RAPGEF4: variants seen among roughly 807,000 people sequenced by gnomAD.
RAPGEF4 encodes RAP guanine-nucleotide-exchange factor (GEF) 4.
Under a neutral mutation model 147.9 loss-of-function variants are expected in RAPGEF4, and 66 were observed. The ratio of observed to expected loss-of-function variants is 0.45; its 90% CI spans 0.37 to 0.55. The LOEUF is 0.55. Among genes scored for constraint, RAPGEF4 ranks in the 20% least tolerant of loss-of-function variants. The pLI is 0.00. For missense variants in RAPGEF4, 1,071 were observed against 1,257.3 expected (o/e 0.85, Z 2.24); for synonymous variants, 419 against 442.7 (o/e 0.95, Z 0.67).
chr2:172,866,260 G>A (rs1200425456), intron 4 of RAPGEF4, among the ~76,000 whole-genome samples: 2 of 151,984 alleles, frequency 1.3e-5, no homozygotes, highest in African/African-American at 4.8e-5. Context: ...TCAATCCACG[G>A]TGATTAAAAT....
At chr2:172,829,446 T>G (rs1690044438) in intron 4 of RAPGEF4, among the ~76,000 whole-genome samples, 1 of 152,218 alleles carries the variant, frequency 6.6e-6, no homozygotes, top group Admixed American at 6.5e-5. Context: ...ATCCCCGGTA[T>G]GAACTGGCTG....
intron 4 of RAPGEF4, among the ~76,000 whole-genome samples, chr2:172,819,378 G>A (rs1688820196): frequency 6.6e-6 from 1 of 150,582 alleles, no homozygotes; most frequent in Non-Finnish European, 1.5e-5. Context: ...GAGATGGGGA[G>A]AGATAAATAT....
At chr2:173,033,763 C>A (rs1435242582) in intron 26 of RAPGEF4, 151 bp from the exon 27 acceptor site, 3 of 716,922 alleles carry the variant, frequency 4.2e-6, no homozygotes, top group African/African-American at 3.7e-5. Context: ...AGATTATTCT[C>A]AAATGGCAAG....
At chr2:173,051,407 A>G (rs542051704) in intron 30 of RAPGEF4, among the ~76,000 whole-genome samples, 4 of 152,216 alleles carry the variant, frequency 2.6e-5, no homozygotes, top group East Asian at 3.9e-4. Flanking sequence ...ACAACGTGCA[A>G]TTCAAAGGAG....
At chr2:173,028,383 C>T (rs750791121) in intron 25 of RAPGEF4, among the ~76,000 whole-genome samples, 14 of 152,232 alleles carry the variant, frequency 9.2e-5, no homozygotes, top group Non-Finnish European at 2.1e-4. Flanking sequence ...TGTGCTTTCC[C>T]GTTAGAAGAA....
intron 1 of RAPGEF4, among the ~76,000 whole-genome samples, chr2:172,744,720 T>C (rs904796672): frequency 1.1e-4 from 16 of 152,202 alleles, no homozygotes; most frequent in Non-Finnish European, 4.4e-5. Flanking sequence ...CAGGACAAAA[T>C]TGAATAGAAG....
intron 29 of RAPGEF4, among the ~76,000 whole-genome samples, chr2:173,044,325 C>G (rs1685161815): frequency 6.6e-6 from 1 of 152,130 alleles, no homozygotes; most frequent in African/African-American, 2.4e-5. Context: ...ATTCCTAGTC[C>G]TAGCTGGTTT....
At chr2:173,034,589 T>C (rs1035445767) in intron 27 of RAPGEF4, among the ~76,000 whole-genome samples, 1 of 152,018 alleles carries the variant, frequency 6.6e-6, no homozygotes, top group Non-Finnish European at 1.5e-5. Context: ...AAAACACAAA[T>C]CAGGCCAGGC....
intron 6 of RAPGEF4, among the ~76,000 whole-genome samples, chr2:172,928,511 G>A (rs1302156493): frequency 5.3e-5 from 8 of 152,154 alleles, no homozygotes; most frequent in Admixed American, 1.3e-4. Context: ...CCTGCTTGCC[G>A]TGAGTTTGTT....
intron 4 of RAPGEF4, among the ~76,000 whole-genome samples, chr2:172,819,021 C>G (rs1456149126): frequency 6.6e-6 from 1 of 152,202 alleles, no homozygotes. Context: ...TCAATAGTCT[C>G]TATAAATATA....
chr2:172,973,390 G>T (rs1412114499), intron 10 of RAPGEF4, among the ~76,000 whole-genome samples: 1 of 152,138 alleles, frequency 6.6e-6, no homozygotes, highest in Non-Finnish European at 1.5e-5. Flanking sequence ...TGGGATTATA[G>T]GCATGAGCCA....
At chr2:172,836,489 T>C (rs1690945395) in intron 4 of RAPGEF4, among the ~76,000 whole-genome samples, 2 of 152,238 alleles carry the variant, frequency 1.3e-5, no homozygotes, top group South Asian at 4.1e-4. Context: ...AAACACGCTC[T>C]GTTTGGGTGT....
At chr2:172,885,717 A>C (rs1276585659) in intron 4 of RAPGEF4, among the ~76,000 whole-genome samples, 1 of 152,152 alleles carries the variant, frequency 6.6e-6, no homozygotes, top group African/African-American at 2.4e-5. Context: ...ATTATCTCTC[A>C]CTGGGCCCCT....
intron 18 of RAPGEF4, among the ~76,000 whole-genome samples, chr2:173,016,051 T>C (rs1695481745): frequency 6.6e-6 from 1 of 152,252 alleles, no homozygotes; most frequent in African/African-American, 2.4e-5. Flanking sequence ...AAAATAGATA[T>C]CTAATATAAA....
chr2:172,840,618 C>T (rs552052165), intron 4 of RAPGEF4, among the ~76,000 whole-genome samples: 4 of 152,340 alleles, frequency 2.6e-5, no homozygotes, highest in South Asian at 2.1e-4. Context: ...ACTGTCACAT[C>T]GTGAGCACCC....
intron 15 of RAPGEF4, among the ~76,000 whole-genome samples, chr2:172,994,050 G>A (rs1693081644): frequency 6.6e-6 from 1 of 152,182 alleles, no homozygotes; most frequent in Admixed American, 6.5e-5. Context: ...AGAATGTGAA[G>A]CCAACCTTCT....
chr2:173,047,033 A>G (rs1306345165), intron 29 of RAPGEF4, among the ~76,000 whole-genome samples: 1 of 152,212 alleles, frequency 6.6e-6, no homozygotes, highest in Non-Finnish European at 1.5e-5. Context: ...ATAGCTGCTC[A>G]GAGATCGGGG....
chr2:172,960,846 GAGCT>G, intron 7 of RAPGEF4, 33 bp downstream of exon 7: 1 of 1,542,308 alleles, frequency 6.5e-7, no homozygotes, highest in Non-Finnish European at 8.9e-7. Context: ...ATGAGCCATT[GAGCT>G]AGCTTCTTAA....
intron 3 of RAPGEF4, among the ~76,000 whole-genome samples, chr2:172,805,023 T>C (rs902000129): frequency 2.0e-4 from 31 of 152,208 alleles, no homozygotes; most frequent in African/African-American, 6.7e-4. Flanking sequence ...ACCCCATGGG[T>C]CTTCTCTGGG....
Sources: allele counts gnomAD v4.1 joint callset (sites outside exome capture counted in the v4.1 genomes callset), GRCh38; gene constraint gnomAD v4.1.1; transcripts MANE v1.5; gene names NCBI Gene and HGNC (gene_info 2026-07-23, HGNC 2026-07-21).